Variants in WDFY3 observed in about 807,000 individuals in gnomAD.
WDFY3 encodes the protein WD repeat and FYVE domain containing 3.
In WDFY3, 66 loss-of-function variants were observed where a neutral mutation model predicts 409.6. That is an observed-to-expected ratio of 0.16 (90% confidence interval 0.13 to 0.20). The LOEUF (loss-of-function observed/expected upper bound fraction) is 0.20. Ranked by LOEUF, WDFY3 falls within the 10% of genes least tolerant of loss-of-function variation. The pLI is 1.00. For missense variants in WDFY3, 3,031 were observed against 4,298.1 expected (o/e 0.71, Z 8.24); for synonymous variants, 1,521 against 1,537.1 (o/e 0.99, Z 0.25).
intron 21 of WDFY3, among the ~76,000 whole-genome samples, chr4:84,791,411 G>C (rs1748500350): frequency 6.6e-6 from 1 of 152,112 alleles, no homozygotes; most frequent in Non-Finnish European, 1.5e-5. Context: ...GGGGCAAATG[G>C]GGAGTTACTA....
intron 3 of WDFY3, among the ~76,000 whole-genome samples, chr4:84,889,143 G>A (rs1466237838): frequency 4.6e-5 from 7 of 152,084 alleles, no homozygotes; most frequent in African/African-American, 1.2e-4. Flanking sequence ...CTGATTTATC[G>A]TATTCTACTA....
intron 36 of WDFY3, among the ~76,000 whole-genome samples, chr4:84,749,344 A>G (rs937898701): frequency 1.3e-5 from 2 of 152,178 alleles, no homozygotes; most frequent in African/African-American, 4.8e-5. Context: ...CTGCATATGT[A>G]TATTAAAGAT....
chr4:84,675,788 T>C (rs1726174626), intron 67 of WDFY3, among the ~76,000 whole-genome samples: 1 of 152,070 alleles, frequency 6.6e-6, no homozygotes, highest in African/African-American at 2.4e-5. Flanking sequence ...TTCTGTTGTC[T>C]GGCAGAAAAA....
intron 16 of WDFY3, among the ~76,000 whole-genome samples, chr4:84,802,115 C>G (rs988608807): frequency 6.6e-6 from 1 of 151,482 alleles, no homozygotes; most frequent in Non-Finnish European, 1.5e-5. Context: ...GCCCAGTTAA[C>G]TTTTGTATTT....
intron 32 of WDFY3, 81 bp from the exon 33 acceptor site, chr4:84,757,242 A>G: frequency 7.9e-7 from 1 of 1,265,840 alleles, no homozygotes. Flanking sequence ...GAAGTAATTC[A>G]GTATGTGTTA....
chr4:84,837,216 T>G, intron 6 of WDFY3, 126 bp from the exon 7 acceptor site: 8 of 790,690 alleles, frequency 1.0e-5, no homozygotes, highest in Non-Finnish European at 1.2e-5. Flanking sequence ...ATGTAAGAAT[T>G]TAAAAATGAC....
At chr4:84,841,291 G>A (rs920901931) in intron 5 of WDFY3, 28 bp from the exon 6 acceptor site, 2 of 1,590,884 alleles carry the variant, frequency 1.3e-6, no homozygotes, top group Non-Finnish European at 1.7e-6. Flanking sequence ...AAGCCATTAA[G>A]TGGGGGAAAA....
chr4:84,840,632 G>A (rs1233104234), intron 6 of WDFY3, among the ~76,000 whole-genome samples: 1 of 151,910 alleles, frequency 6.6e-6, no homozygotes, highest in Non-Finnish European at 1.5e-5. Context: ...ACCGAGGCTG[G>A]AGTGGTGTCA....
intron 1 of WDFY3, among the ~76,000 whole-genome samples, chr4:84,937,095 T>A (rs12506456): frequency 0.41 from 61,684 of 151,956 alleles, 13,083 homozygotes; most frequent in African/African-American, 0.51. Flanking sequence ...CATCACAAGC[T>A]TGTACTCCTT....
chr4:84,897,753 T>C (rs1765832469), intron 2 of WDFY3, among the ~76,000 whole-genome samples: 5 of 152,194 alleles, frequency 3.3e-5, no homozygotes, highest in Admixed American at 3.3e-4. Context: ...CAGGACTCAA[T>C]AGGTATTCAC....
At chr4:84,761,799 A>G (rs1209998941) in intron 32 of WDFY3, among the ~76,000 whole-genome samples, 1 of 152,182 alleles carries the variant, frequency 6.6e-6, no homozygotes, top group Non-Finnish European at 1.5e-5. Context: ...AAAAGTGGGC[A>G]AAGGACATGA....
chr4:84,838,163 G>A (rs1054442051), intron 6 of WDFY3, among the ~76,000 whole-genome samples: 9 of 152,182 alleles, frequency 5.9e-5, no homozygotes, highest in Admixed American at 2.0e-4. Flanking sequence ...GACTCCTGAC[G>A]AGCCACAATA....
chr4:84,838,574 G>A (rs1045746407), intron 6 of WDFY3, among the ~76,000 whole-genome samples: 1 of 152,160 alleles, frequency 6.6e-6, no homozygotes, highest in Admixed American at 6.5e-5. Flanking sequence ...CCACATGAGA[G>A]ATGGGGCCGG....
intron 2 of WDFY3, among the ~76,000 whole-genome samples, chr4:84,909,612 G>C (rs1334701621): frequency 6.6e-6 from 1 of 151,950 alleles, no homozygotes; most frequent in Non-Finnish European, 1.5e-5. Context: ...CAGCTCTTTA[G>C]TAAAAATTAT....
At chr4:84,695,401 C>T (rs1022402271) in intron 58 of WDFY3, among the ~76,000 whole-genome samples, 1 of 151,630 alleles carries the variant, frequency 6.6e-6, no homozygotes, top group African/African-American at 2.4e-5. Flanking sequence ...GTTCTCTGAA[C>T]TACCACAATA....
chr4:84,741,965 C>A (rs1435738102), intron 37 of WDFY3, 44 bp from the exon 38 acceptor site: 2 of 1,526,252 alleles, frequency 1.3e-6, no homozygotes, highest in Admixed American at 4.0e-5. Flanking sequence ...TTGATATCTA[C>A]CAACACAGGA....
At chr4:84,756,401 A>G (rs990900373) in intron 33 of WDFY3, among the ~76,000 whole-genome samples, 3 of 152,108 alleles carry the variant, frequency 2.0e-5, no homozygotes, top group Admixed American at 6.6e-5. Context: ...CTAGGCCAAC[A>G]TGGTGAGACC....
intron 13 of WDFY3, among the ~76,000 whole-genome samples, chr4:84,814,072 A>C (rs1399958186): frequency 6.6e-6 from 1 of 152,218 alleles, no homozygotes; most frequent in African/African-American, 2.4e-5. Flanking sequence ...ATAACTACTA[A>C]TGTCTGTGGC....
At chr4:84,742,628 CTTCT>C (rs1738643807) in intron 37 of WDFY3, among the ~76,000 whole-genome samples, 1 of 152,182 alleles carries the variant, frequency 6.6e-6, no homozygotes, top group South Asian at 2.1e-4. Flanking sequence ...ACCTGAGCTC[CTTCT>C]GTCATATCAG....
Sources: gnomAD v4.1 joint callset for allele counts (sites outside exome capture counted in the v4.1 genomes callset) on GRCh38, gnomAD v4.1.1 for gene constraint, MANE v1.5 for transcripts, NCBI Gene and HGNC (gene_info 2026-07-23, HGNC 2026-07-21) for gene names.